MDFIC2: variants seen among roughly 807,000 people sequenced by gnomAD.
MDFIC2 encodes MyoD family inhibitor domain containing 2.
intron 2 of MDFIC2, among the ~76,000 whole-genome samples, chr3:70,289,989 T>C (rs1385128986): frequency 6.6e-6 from 1 of 152,140 alleles, no homozygotes; most frequent in East Asian, 1.9e-4. Context: ...TTTCAACTTC[T>C]TTGCCTTTGG....
intron 3 of MDFIC2, among the ~76,000 whole-genome samples, chr3:70,202,428 G>C (rs565505844): frequency 1.3e-5 from 2 of 152,258 alleles, no homozygotes; most frequent in African/African-American, 2.4e-5. Context: ...GAGCCTTCTT[G>C]TTGTTGCTAA....
chr3:70,259,780 C>T lies in MDFIC2; in HGVS notation c.88+52106G>A, dbSNP rs111651994. ...TTTTCATACCGGTATAAAAACTGACCGAGACTGGGTCATTTATAAAGGAAA... is the reference window on the plus strand; with the variant it reads ...TTTTCATACCGGTATAAAAACTGACTGAGACTGGGTCATTTATAAAGGAAA... On this transcript the variant is annotated intron_variant, in intron 2 of 3. Transcript: ENST00000567252. 1.4e-3 allele frequency among the ~76,000 whole-genome samples: 216 copies of T among 152,026 alleles called. 3 individuals are homozygous for T. The highest frequency in any genetic ancestry group is 0.011 in the East Asian group (57 of 5,174).
intron 2 of MDFIC2, among the ~76,000 whole-genome samples, chr3:70,240,290 GA>G (rs899409180): frequency 2.7e-5 from 4 of 150,384 alleles, no homozygotes; most frequent in Middle Eastern, 3.4e-3. Context: ...TCATCTTGGG[GA>G]AAAAAAACAG....
At position 70,277,199 on chromosome 3, in the gene MDFIC2, T is replaced by C. The variant is rs374843254; in HGVS notation, c.88+34687A>G. 8.9e-4 allele frequency among the ~76,000 whole-genome samples: 135 copies of C among 152,292 alleles called. 2 individuals are homozygous for C. In the South Asian group the frequency reaches 0.027, roughly 30 times the overall value. Reference sequence around the variant, plus strand: ...ATTGAGAAGGCTGGAACAATGAACATAGCCCGTATCTCCAGCTGCCTGGAA... The same window carrying C: ...ATTGAGAAGGCTGGAACAATGAACACAGCCCGTATCTCCAGCTGCCTGGAA... On this transcript the variant is annotated intron_variant, in intron 2 of 3. Coordinates refer to ENST00000567252, the MANE Select transcript of MDFIC2 (RefSeq NM_001364677.1).
At chr3:70,260,827 A>G (rs747641149) in intron 2 of MDFIC2, among the ~76,000 whole-genome samples, 2 of 151,772 alleles carry the variant, frequency 1.3e-5, no homozygotes, top group Admixed American at 6.6e-5. Context: ...ACATCTGCCC[A>G]CCCTTTTAAA....
chr3:70,269,873 G>A (rs1485281193), intron 2 of MDFIC2, among the ~76,000 whole-genome samples: 2 of 152,104 alleles, frequency 1.3e-5, no homozygotes, highest in Non-Finnish European at 2.9e-5. Context: ...TAAGGAAGAA[G>A]TCAAATATAA....
chr3:70,240,150 G>A (rs1007421731), intron 2 of MDFIC2, among the ~76,000 whole-genome samples: 9 of 151,958 alleles, frequency 5.9e-5, no homozygotes, highest in African/African-American at 9.7e-5. Flanking sequence ...AATAAGAGAC[G>A]TATTTTAAAG....
chr3:70,236,108 A>G (rs575740255), intron 2 of MDFIC2, among the ~76,000 whole-genome samples: 47 of 152,128 alleles, frequency 3.1e-4, no homozygotes, highest in Non-Finnish European at 6.8e-4. Flanking sequence ...TTCCCTTGCT[A>G]ACCTAACTTA....
chr3:70,205,985 T>G (rs1002284739), intron 3 of MDFIC2: 5 of 152,022 alleles, frequency 3.3e-5, no homozygotes, highest in African/African-American at 1.2e-4. Context: ...CCAAAACAAT[T>G]TGAAATTGGC....
chr3:70,237,305 C>A (rs1465317604), intron 2 of MDFIC2, among the ~76,000 whole-genome samples: 5 of 152,168 alleles, frequency 3.3e-5, no homozygotes, highest in Admixed American at 3.3e-4. Context: ...TATAGACAGA[C>A]CTCTATTAAT....
intron 2 of MDFIC2, among the ~76,000 whole-genome samples, chr3:70,304,204 C>A (rs1211146170): frequency 2.6e-5 from 4 of 152,118 alleles, no homozygotes; most frequent in African/African-American, 9.7e-5. Context: ...TTTTCTTTCA[C>A]TTCTTGGAGC....
chr3:70,235,972 C>G (rs1229968477), intron 2 of MDFIC2, among the ~76,000 whole-genome samples: 1 of 152,120 alleles, frequency 6.6e-6, no homozygotes, highest in Non-Finnish European at 1.5e-5. Context: ...GTCTTCAAAA[C>G]CTGCACAGGA....
intron 2 of MDFIC2, among the ~76,000 whole-genome samples, chr3:70,259,541 T>A (rs184973398): frequency 1.8e-4 from 27 of 152,288 alleles, no homozygotes; most frequent in Admixed American, 1.1e-3. Context: ...ATCAGAGCCA[T>A]GCAGGGCTTT....
chr3:70,275,903 T>C (rs887863688), intron 2 of MDFIC2, among the ~76,000 whole-genome samples: 1 of 152,186 alleles, frequency 6.6e-6, no homozygotes, highest in Admixed American at 6.6e-5. Context: ...TAAAATCAGA[T>C]TGCTCATTGT....
At chr3:70,276,457 T>C (rs1702027479) in intron 2 of MDFIC2, among the ~76,000 whole-genome samples, 1 of 152,230 alleles carries the variant, frequency 6.6e-6, no homozygotes, top group African/African-American at 2.4e-5. Context: ...CTCATTATTT[T>C]TTTAGGATAA....
At chr3:70,279,943 A>G (rs1702064585) in intron 2 of MDFIC2, among the ~76,000 whole-genome samples, 1 of 152,162 alleles carries the variant, frequency 6.6e-6, no homozygotes. Context: ...TCTTTGCTCC[A>G]TTACTGTAGT....
At chr3:70,281,933 T>C (rs1263110543) in intron 2 of MDFIC2, among the ~76,000 whole-genome samples, 2 of 152,204 alleles carry the variant, frequency 1.3e-5, no homozygotes, top group African/African-American at 4.8e-5. Flanking sequence ...AATTTTTGAT[T>C]GTACAGTAAC....
intron 2 of MDFIC2, among the ~76,000 whole-genome samples, chr3:70,278,221 G>A (rs948526104): frequency 2.0e-5 from 3 of 151,998 alleles, no homozygotes; most frequent in African/African-American, 4.8e-5. Context: ...TTTGTCCAAC[G>A]TTTTGTCTGA....
rs575373047 is a variant in MDFIC2 at position 70,238,797 on chromosome 3, T to C, written c.89-32007A>G. On this transcript the variant is annotated intron_variant, in intron 2 of 3. Coordinates refer to ENST00000567252, the MANE Select transcript of MDFIC2 (RefSeq NM_001364677.1). ...GATATGTGAGTCTACAAATTCCCTC[T>C]TTATCTAAACTGGTTAGGTTTCTAT... is the stretch of plus-strand genomic sequence containing the variant. Among the ~76,000 whole-genome samples the C allele has an allele frequency of 1.4e-4, 22 of 152,232 alleles. No individual in the cohort carries two copies. The South Asian group carries it at 4.4e-3, about 30-fold the overall frequency.
Sources: gnomAD v4.1 joint callset for allele counts (sites outside exome capture counted in the v4.1 genomes callset) on GRCh38, gnomAD v4.1.1 for gene constraint, MANE v1.5 for transcripts, NCBI Gene and HGNC (gene_info 2026-07-23, HGNC 2026-07-21) for gene names.